Variants in NCEH1 observed in about 807,000 individuals in gnomAD.
NCEH1 encodes the protein 2-acetyl MAGE hydrolase.
NCEH1 carries 9 observed loss-of-function variants against 25.4 expected under a neutral mutation model. The observed-to-expected ratio is 0.35, with a 90% CI of 0.21 to 0.62. The LOEUF is 0.62. Among genes scored for constraint, NCEH1 ranks in the 20% least tolerant of loss-of-function variants. The pLI, the probability that NCEH1 is intolerant of heterozygous loss-of-function variation, is 0.72. For synonymous variants in NCEH1, 200 were observed against 199.8 expected, an observed-to-expected ratio of 1.00 and a Z score of -0.01; for missense variants, 412 against 501.1, an observed-to-expected ratio of 0.82 and a Z score of 1.70.
At chr3:172,634,543 A>C (rs1340275077) in intron 4 of NCEH1, among the ~76,000 whole-genome samples, 1 of 152,202 alleles carries the variant, frequency 6.6e-6, no homozygotes, top group African/African-American at 2.4e-5. Flanking sequence ...TGAGTGTTTA[A>C]GTAGGACCTC....
intron 1 of NCEH1, among the ~76,000 whole-genome samples, chr3:172,672,854 C>A (rs1711721311): frequency 6.6e-6 from 1 of 152,196 alleles, no homozygotes; most frequent in Non-Finnish European, 1.5e-5. Flanking sequence ...AAGACGAAGC[C>A]ACCTCAACCC....
intron 1 of NCEH1, among the ~76,000 whole-genome samples, chr3:172,689,927 G>A (rs1485784593): frequency 7.2e-5 from 10 of 139,118 alleles, no homozygotes; most frequent in African/African-American, 2.4e-4. Flanking sequence ...TTTTTGAGAC[G>A]GAGTCTCACT....
At chr3:172,707,550 T>G (rs915899787) in intron 1 of NCEH1, among the ~76,000 whole-genome samples, 2 of 152,196 alleles carry the variant, frequency 1.3e-5, no homozygotes, top group African/African-American at 4.8e-5. Context: ...TTTGCTGCAA[T>G]GAAGATCATC....
At chr3:172,659,328 G>C (rs945417324) in intron 1 of NCEH1, among the ~76,000 whole-genome samples, 2 of 152,166 alleles carry the variant, frequency 1.3e-5, no homozygotes, top group Non-Finnish European at 2.9e-5. Context: ...TAAAGGAATT[G>C]ATCTGGTTAA....
At chr3:172,702,514 CA>C (rs1244933562) in intron 1 of NCEH1, among the ~76,000 whole-genome samples, 2 of 152,184 alleles carry the variant, frequency 1.3e-5, no homozygotes, top group Non-Finnish European at 2.9e-5. Flanking sequence ...GTAAGCTTCT[CA>C]AGATTAGGTA....
In NCEH1 at chr3:172,639,152, G is replaced by A. The variant is rs377549673; in HGVS notation, c.438-3065C>T. On this transcript the variant is annotated intron_variant, in intron 3 of 4. Coordinates refer to ENST00000475381, the MANE Select transcript of NCEH1 (RefSeq NM_020792.6). ...CATCTCTCCTAAAAATACAAAAATTGCTGGGTGTGGTGGCATGTGCTTGTA... is the reference window on the plus strand; with the variant it reads ...CATCTCTCCTAAAAATACAAAAATTACTGGGTGTGGTGGCATGTGCTTGTA... 4.5e-4 allele frequency among the ~76,000 whole-genome samples: 68 copies of A among 152,130 alleles called. 2 individuals are homozygous for A. The South Asian group carries it at 0.013, about 29-fold the overall frequency.
intron 3 of NCEH1, among the ~76,000 whole-genome samples, chr3:172,638,500 A>G (rs184829044): frequency 7.5e-6 from 1 of 133,046 alleles, no homozygotes; most frequent in African/African-American, 2.9e-5. Context: ...TTTGTCCACT[A>G]GATGACATCA....
chr3:172,660,326 T>C (rs1006887466), intron 1 of NCEH1, among the ~76,000 whole-genome samples: 22 of 152,198 alleles, frequency 1.4e-4, no homozygotes, highest in African/African-American at 4.8e-4. Context: ...TATGGCTGCA[T>C]AGTATTCCAT....
At chr3:172,638,726 A>G (rs1396133192) in intron 3 of NCEH1, among the ~76,000 whole-genome samples, 1 of 152,238 alleles carries the variant, frequency 6.6e-6, no homozygotes, top group Non-Finnish European at 1.5e-5. Flanking sequence ...CATATCCACT[A>G]GCATCCATAT....
intron 1 of NCEH1, among the ~76,000 whole-genome samples, chr3:172,650,648 CA>C (rs34027626): frequency 9.0e-4 from 108 of 119,508 alleles, no homozygotes; most frequent in Middle Eastern, 9.3e-3. Context: ...GACTCCGTCT[CA>C]AAAAAAAAAA....
At chr3:172,667,693 C>G (rs1421013100) in intron 1 of NCEH1, among the ~76,000 whole-genome samples, 3 of 152,298 alleles carry the variant, frequency 2.0e-5, no homozygotes, top group Admixed American at 6.5e-5. Context: ...TGCTTTTATT[C>G]TCACTTCTTT....
Position 172,633,517 on chromosome 3 carries a change from C to A in NCEH1, c.1185G>T (p.Arg395=). 6.2e-7 allele frequency: 1 copy of A among 1,614,066 alleles called. No homozygotes were observed. Among genetic ancestry groups the A allele is most frequent in the South Asian group, 1.1e-5 (1 of 91,048 alleles). The change falls in exon 5 of 5, where the codon CGG becomes CGT. Residue 395 remains arginine, a synonymous_variant. Coordinates refer to ENST00000475381, the MANE Select transcript of NCEH1 (RefSeq NM_020792.6). The part of the protein sequence containing the change: ...SWPTNFSVGI[R]TRNSYIKWLD... ...GCCACTTGATGTAACTATTCCTAGTCCGGATTCCCACTGAGAAGTTGGTGG... is the reference window on the plus strand; with the variant it reads ...GCCACTTGATGTAACTATTCCTAGTACGGATTCCCACTGAGAAGTTGGTGG...
chr3:172,636,155 G>A, intron 3 of NCEH1, 68 bp from the exon 4 acceptor site: 1 of 1,030,812 alleles, frequency 9.7e-7, no homozygotes, highest in South Asian at 1.8e-5. Context: ...AAGTTTAGAT[G>A]GAAACTGGTT....
At chr3:172,707,468 C>A (rs1393997312) in intron 1 of NCEH1, among the ~76,000 whole-genome samples, 1 of 152,236 alleles carries the variant, frequency 6.6e-6, no homozygotes, top group Non-Finnish European at 1.5e-5. Flanking sequence ...TGCAATATAA[C>A]ACGCAGTTTA....
rs1716500221 is a variant in NCEH1, at chr3:172,634,104, G to A, written c.610-12C>T. The A allele has an allele frequency of 1.0e-5, 16 of 1,606,246 alleles. No individual in the cohort carries two copies. Among genetic ancestry groups the A allele is most frequent in the Non-Finnish European group, 1.4e-5 (16 of 1,176,656 alleles). On this transcript the variant is annotated splice_polypyrimidine_tract_variant and intron_variant, in intron 4 of 4. Coordinates refer to ENST00000475381, the MANE Select transcript of NCEH1 (RefSeq NM_020792.6). ...GCATCTTGAGTAAACTAGAGAAGAGGAAGCAAATACATTATTTCATTTTGC... is the reference window on the plus strand; with the variant it reads ...GCATCTTGAGTAAACTAGAGAAGAGAAAGCAAATACATTATTTCATTTTGC...
chr3:172,697,483 C>A (rs1713435814), intron 1 of NCEH1, among the ~76,000 whole-genome samples: 1 of 152,008 alleles, frequency 6.6e-6, no homozygotes, highest in African/African-American at 2.4e-5. Flanking sequence ...TGCTGTTCAC[C>A]CTGCAGAGTG....
intron 1 of NCEH1, among the ~76,000 whole-genome samples, chr3:172,668,158 T>C (rs947446888): frequency 6.6e-6 from 1 of 152,178 alleles, no homozygotes; most frequent in African/African-American, 2.4e-5. Flanking sequence ...GAAGAGCAGG[T>C]AGCTCTGTAA....
intron 2 of NCEH1, among the ~76,000 whole-genome samples, chr3:172,647,514 T>A (rs1162187289): frequency 6.6e-6 from 1 of 152,220 alleles, no homozygotes; most frequent in African/African-American, 2.4e-5. Context: ...TAATTCCCCA[T>A]ATGCGTGCCT....
chr3:172,660,567 G>A (rs1036834883), intron 1 of NCEH1, among the ~76,000 whole-genome samples: 8 of 152,160 alleles, frequency 5.3e-5, no homozygotes, highest in Admixed American at 4.6e-4. Flanking sequence ...TTCCACAATG[G>A]TTGAACTAGT....
Sources: allele counts gnomAD v4.1 joint callset (sites outside exome capture counted in the v4.1 genomes callset), GRCh38; gene constraint gnomAD v4.1.1; transcripts MANE v1.5; gene names NCBI Gene and HGNC (gene_info 2026-07-23, HGNC 2026-07-21).